The following IFITM10 variants were observed in gnomAD, a reference collection of about 807,000 sequenced individuals.
The protein encoded by IFITM10 is interferon-induced transmembrane protein 10.
A neutral mutation model predicts 19.0 loss-of-function variants in IFITM10; 17 were observed. That is an observed-to-expected ratio of 0.90 (90% CI 0.61 to 1.34). IFITM10 has a LOEUF of 1.34. Among genes scored for constraint, IFITM10 ranks in the 40% most tolerant of loss-of-function variants. IFITM10 has a pLI of 0.00. For synonymous variants in IFITM10, 148 were observed against 147.2 expected, an observed-to-expected ratio of 1.01 and a Z score of -0.04; for missense variants, 306 against 319.8, an observed-to-expected ratio of 0.96 and a Z score of 0.33.
Position 1,750,395 on chromosome 11 carries a change from C to A in IFITM10, c.48G>T (p.Gly16=). ...RGPPCILSFR[G]TLERVEAQWE... is the part of the protein sequence containing the mutation. ...ACTGAGCCTCGACCCTCTCCAAAGT[C>A]CCCCGGAAGCTGAGGATGCATGGCG... The change falls in exon 1 of 3, where the codon GGG becomes GGT. Residue 16 remains glycine, a synonymous_variant. Transcript: ENST00000340134. 1 of 1,550,502 alleles carries A rather than the reference C, an allele frequency of 6.4e-7. No homozygotes were observed. The highest frequency in any genetic ancestry group is 1.2e-5 in the South Asian group (1 of 84,056).
chr11:1,744,106 G>T (rs572365354), intron 2 of IFITM10, among the ~76,000 whole-genome samples: 1 of 152,192 alleles, frequency 6.6e-6, no homozygotes, highest in African/African-American at 2.4e-5. Context: ...CCTCCTTCTA[G>T]AAGTTTTCCA....
chr11:1,743,064 CGGATGGATGGAT>C (rs1296966143), intron 2 of IFITM10, among the ~76,000 whole-genome samples: 1 of 93,502 alleles, frequency 1.1e-5, no homozygotes, highest in Non-Finnish European at 2.2e-5. Context: ...GGATGGAGGG[CGGATGGATGGAT>C]GGATGGAGGA....
intron 2 of IFITM10, among the ~76,000 whole-genome samples, chr11:1,739,259 T>A (rs146929394): frequency 3.2e-4 from 49 of 152,072 alleles, no homozygotes; most frequent in African/African-American, 1.1e-3. Flanking sequence ...ATCCATATGC[T>A]GAATGGGTGG....
Position 1,736,352 on chromosome 11 carries a change from T to C in IFITM10, c.538-923A>G, listed in dbSNP as rs187611575. ...GTCGGAAGACTGGATGGACAGAGGA[T>C]AGATGTGTGGTCAGGGTGATGGATG... is the stretch of plus-strand genomic sequence containing the variant. On this transcript the variant is annotated intron_variant, in intron 2 of 2. Coordinates refer to ENST00000340134, the MANE Select transcript of IFITM10 (RefSeq NM_001170820.4). Among the ~76,000 whole-genome samples the C allele has an allele frequency of 2.3e-4, 35 of 152,034 alleles. No individual in the cohort carries two copies. In the East Asian group the frequency reaches 5.8e-3, roughly 25 times the overall value.
At chr11:1,749,859 T>G in intron 1 of IFITM10, among the ~76,000 whole-genome samples, 1 of 151,920 alleles carries the variant, frequency 6.6e-6, no homozygotes, top group South Asian at 2.1e-4. Flanking sequence ...TCGGAGCTCC[T>G]GCCCCCTTTC....
chr11:1,746,135 GCA>G (rs3047258), intron 2 of IFITM10: 50,141 of 157,030 alleles, frequency 0.32, 9,354 homozygotes, highest in African/African-American at 0.52. Context: ...CACACATTGT[GCA>G]CACACATTTA....
chr11:1,735,182 C>G lies in IFITM10; in HGVS notation c.*98G>C. On this transcript the variant is annotated 3_prime_UTR_variant, in exon 3 of 3. Transcript: ENST00000340134. ...CAAGGGGGCCCCAGGACAAGAAGCC[C>G]TGCCCTGCCCCAACCTCATGGGATC... 2.3e-5 allele frequency: 32 copies of G among 1,369,096 alleles called. 1 individual carries two copies. In the South Asian group the frequency reaches 4.5e-4, roughly 19 times the overall value. 84.8% of individuals were successfully genotyped at this position (1,369,096 alleles called of 1,614,324 possible).
chr11:1,744,188 G>A (rs1024644697), intron 2 of IFITM10, among the ~76,000 whole-genome samples: 1 of 152,186 alleles, frequency 6.6e-6, no homozygotes, highest in Non-Finnish European at 1.5e-5. Flanking sequence ...CTCACCATGT[G>A]TCCTCTGTCC....
chr11:1,743,756 G>T (rs893130822), intron 2 of IFITM10, among the ~76,000 whole-genome samples: 7 of 151,830 alleles, frequency 4.6e-5, no homozygotes, highest in Non-Finnish European at 1.0e-4. Context: ...TCCCCAGCTC[G>T]CAAGCTCTCC....
chr11:1,734,679 C>A lies in IFITM10; in HGVS notation c.*601G>T, dbSNP rs1162743497. 1 of 152,430 alleles carries A rather than the reference C, an allele frequency of 6.6e-6. No homozygotes were observed. Among genetic ancestry groups the A allele is most frequent in the African/African-American group, 2.4e-5 (1 of 41,456 alleles). The allele number at this position is 152,430 out of a possible 1,614,324, so 9.4% of individuals were successfully genotyped here. ...CACAGCTGTGATGGAGCAGACCGTC[C>A]CCTGCAGTCTGTTGGGACACAGCAC... On this transcript the variant is annotated 3_prime_UTR_variant, in exon 3 of 3. Transcript: ENST00000340134.
At position 1,734,974 on chromosome 11, in the gene IFITM10, G is replaced by A. The variant is rs187324324; in HGVS notation, c.*306C>T. ...CCAAGGGGCCCCAGGAGCCTGGGAA[G>A]GGGCACGTGAGGGCAGGGACACAGA... On this transcript the variant is annotated 3_prime_UTR_variant, in exon 3 of 3. Transcript: ENST00000340134. The A allele has an allele frequency of 1.3e-3, 496 of 396,284 alleles. 2 individuals are homozygous for A. The Admixed American group carries it at 0.017, about 14-fold the overall frequency. The allele number at this position is 396,284 out of a possible 1,614,324, so 24.5% of individuals were successfully genotyped here.
rs528536758 is a variant in IFITM10, at chr11:1,740,249, A to G, written c.538-4820T>C. On this transcript the variant is annotated intron_variant, in intron 2 of 2. Coordinates refer to ENST00000340134, the MANE Select transcript of IFITM10 (RefSeq NM_001170820.4). ...CAGGAGGCGTAGGTTGCAGTGAGCC[A>G]ACATTGTGCCACTGCACTCCAGCCT... 6.0e-5 allele frequency among the ~76,000 whole-genome samples: 9 copies of G among 148,874 alleles called. No homozygotes were observed. The Admixed American group carries it at 6.1e-4, about 10-fold the overall frequency.
intron 2 of IFITM10, among the ~76,000 whole-genome samples, chr11:1,740,299 C>CAAAAAA (rs58480346): frequency 1.0e-3 from 42 of 40,926 alleles, no homozygotes; most frequent in East Asian, 2.7e-3. Flanking sequence ...GACTCCATCT[C>CAAAAAA]AAAAAAAAAA....
chr11:1,740,554 G>T (rs1845554634), intron 2 of IFITM10, among the ~76,000 whole-genome samples: 1 of 152,102 alleles, frequency 6.6e-6, no homozygotes, highest in Admixed American at 6.5e-5. Flanking sequence ...TGAACAGGGA[G>T]TTGTAGAAGG....
chr11:1,735,182 C>T lies in IFITM10; in HGVS notation c.*98G>A. The T allele has an allele frequency of 7.3e-7, 1 of 1,369,096 alleles. No homozygotes were observed. Among genetic ancestry groups the T allele is most frequent in the South Asian group, 1.4e-5 (1 of 71,314 alleles). The allele number at this position is 1,369,096 out of a possible 1,614,324, so 84.8% of individuals were successfully genotyped here. A position where few individuals can be genotyped will look rare whatever the true frequency, so the allele number is the denominator to read the frequency against. ...CAAGGGGGCCCCAGGACAAGAAGCCCTGCCCTGCCCCAACCTCATGGGATC... is the reference window on the plus strand; with the variant it reads ...CAAGGGGGCCCCAGGACAAGAAGCCTTGCCCTGCCCCAACCTCATGGGATC... On this transcript the variant is annotated 3_prime_UTR_variant, in exon 3 of 3. Transcript: ENST00000340134.
At chr11:1,742,693 A>C (rs959901026) in intron 2 of IFITM10, among the ~76,000 whole-genome samples, 1 of 152,176 alleles carries the variant, frequency 6.6e-6, no homozygotes, top group Non-Finnish European at 1.5e-5. Flanking sequence ...GACTAGATGA[A>C]TAGTTTAGTG....
intron 2 of IFITM10, chr11:1,746,083 A>G (rs142128341): frequency 0.013 from 2,020 of 153,224 alleles, 50 homozygotes; most frequent in African/African-American, 0.046. Flanking sequence ...GTGTGATTAC[A>G]CACGTGCACA....
intron 2 of IFITM10, among the ~76,000 whole-genome samples, chr11:1,747,040 C>A (rs1477979052): frequency 1.3e-5 from 2 of 152,118 alleles, no homozygotes; most frequent in Non-Finnish European, 2.9e-5. Flanking sequence ...GTCATGTCTG[C>A]CCAGCACCTG....
chr11:1,735,327 T>G lies in IFITM10; in HGVS notation c.640A>C (p.Ile214Leu), dbSNP rs1437563712. 5 of 1,551,552 alleles carry G rather than the reference T, an allele frequency of 3.2e-6. No homozygotes were observed. Among genetic ancestry groups the G allele is most frequent in the African/African-American group, 1.4e-5 (1 of 73,046 alleles). Residue 214 changes from isoleucine to leucine, a missense_variant, in exon 3 of 3, where the codon ATC (isoleucine) becomes CTC (leucine). Transcript: ENST00000340134. ...CGCAGGAAGATGAAGACGAGGATGA[T>G]GCAGGAGGCTGCCAGGGCAGAACTG... ...ITSSALAASC[I>L]ILVFIFLRYP...
Sources: gnomAD v4.1 joint callset for allele counts (sites outside exome capture counted in the v4.1 genomes callset) on GRCh38, gnomAD v4.1.1 for gene constraint, MANE v1.5 for transcripts, NCBI Gene and HGNC (gene_info 2026-07-23, HGNC 2026-07-21) for gene names.